The following CPEB1 variants were observed in gnomAD, a reference collection of about 807,000 sequenced individuals.
CPEB1 encodes the protein cytoplasmic polyadenylation element-binding protein 1.
In CPEB1, 7 loss-of-function variants were observed where a neutral mutation model predicts 65.8. The ratio of observed to expected loss-of-function variants is 0.11; its 90% CI spans 0.06 to 0.20. CPEB1 has a LOEUF of 0.20. Ranked by LOEUF, CPEB1 falls within the 10% of genes least tolerant of loss-of-function variation. The probability of loss-of-function intolerance (pLI) is 1.00; values close to 1 mark genes in which losing one functional copy is unlikely to be tolerated. For synonymous variants in CPEB1, 262 were observed against 260.0 expected, an observed-to-expected ratio of 1.01 and a Z score of -0.08; for missense variants, 551 against 712.2, an observed-to-expected ratio of 0.77 and a Z score of 2.58.
At chr15:82,622,973 C>T (rs558160281) in intron 3 of CPEB1, among the ~76,000 whole-genome samples, 2 of 152,308 alleles carry the variant, frequency 1.3e-5, no homozygotes, top group South Asian at 4.2e-4. Flanking sequence ...GTAGGAGGGA[C>T]AGCTCTGTGA....
chr15:82,632,944 G>A (rs1430583648), intron 1 of CPEB1, among the ~76,000 whole-genome samples: 7 of 152,114 alleles, frequency 4.6e-5, no homozygotes. Context: ...TAGTCCATCT[G>A]AACTTTCATC....
intron 3 of CPEB1, among the ~76,000 whole-genome samples, chr15:82,586,748 T>G (rs1016381956): frequency 1.3e-5 from 2 of 152,214 alleles, no homozygotes; most frequent in African/African-American, 4.8e-5. Flanking sequence ...ACACATACAG[T>G]GCACATACAC....
intron 3 of CPEB1, among the ~76,000 whole-genome samples, chr15:82,613,248 C>A (rs1259650858): frequency 4.6e-5 from 7 of 152,104 alleles, no homozygotes; most frequent in African/African-American, 1.7e-4. Flanking sequence ...GCGAAGTTGG[C>A]TTTACTTTGG....
intron 1 of CPEB1, chr15:82,637,987 G>A (rs1439478505): frequency 2.2e-6 from 1 of 453,740 alleles, no homozygotes; most frequent in Admixed American, 2.4e-5. Context: ...TTTATGGAGT[G>A]GCATTGACAT....
intron 4 of CPEB1, among the ~76,000 whole-genome samples, chr15:82,559,901 T>C (rs1490088687): frequency 1.3e-5 from 2 of 152,086 alleles, no homozygotes; most frequent in African/African-American, 2.4e-5. Context: ...CTGCCTAACA[T>C]GGCGAAACCC....
At chr15:82,580,126 C>A (rs2041123056) in intron 3 of CPEB1, among the ~76,000 whole-genome samples, 1 of 151,328 alleles carries the variant, frequency 6.6e-6, no homozygotes, top group Non-Finnish European at 1.5e-5. Context: ...TCGAGACCAT[C>A]CTGGCCAACA....
intron 3 of CPEB1, among the ~76,000 whole-genome samples, chr15:82,572,650 T>C (rs767388319): frequency 5.3e-5 from 8 of 152,168 alleles, no homozygotes; most frequent in Admixed American, 3.9e-4. Flanking sequence ...CTCTGAAGTA[T>C]CGTTACGCCC....
intron 4 of CPEB1, among the ~76,000 whole-genome samples, chr15:82,567,161 A>G (rs74728331): frequency 0.022 from 3,325 of 152,316 alleles, 122 homozygotes; most frequent in African/African-American, 0.075. Context: ...CATGTTCCAC[A>G]TAAGAGAGAC....
chr15:82,616,412 C>G (rs2044715301), intron 3 of CPEB1, among the ~76,000 whole-genome samples: 2 of 152,036 alleles, frequency 1.3e-5, no homozygotes, highest in African/African-American at 4.8e-5. Context: ...AAAGAGTACA[C>G]TTAAGTGCAA....
chr15:82,553,719 C>CT (rs903890287), intron 7 of CPEB1, among the ~76,000 whole-genome samples, 159 bp downstream of exon 7: 2 of 152,126 alleles, frequency 1.3e-5, no homozygotes, highest in African/African-American at 4.8e-5. Context: ...ATAAGGAGCA[C>CT]TATGGGGGTC....
chr15:82,571,865 GGGA>G, intron 3 of CPEB1: 1 of 1,076,784 alleles, frequency 9.3e-7, no homozygotes, highest in Non-Finnish European at 1.1e-6. Context: ...CACAGAACGG[GGGA>G]GGAGCAGGAG....
chr15:82,554,149 C>G (rs898165888), intron 6 of CPEB1, among the ~76,000 whole-genome samples, 158 bp from the exon 7 acceptor site: 7 of 152,212 alleles, frequency 4.6e-5, no homozygotes, highest in African/African-American at 1.7e-4. Flanking sequence ...AGCAAGAAAT[C>G]TATGTCTCAC....
intron 3 of CPEB1, among the ~76,000 whole-genome samples, chr15:82,580,500 T>TAAATAAAAATAAAAATAAA: frequency 6.6e-6 from 1 of 152,238 alleles, no homozygotes; most frequent in South Asian, 2.1e-4. Context: ...GGGTACCCTG[T>TAAATAAAAATAAAAATAAA]ACTAAAAATT....
At chr15:82,608,119 G>T (rs1406267782) in intron 3 of CPEB1, among the ~76,000 whole-genome samples, 1 of 152,236 alleles carries the variant, frequency 6.6e-6, no homozygotes, top group Admixed American at 6.5e-5. Flanking sequence ...CAAGCATGCA[G>T]GTTAGCCTAG....
Position 82,557,902 on chromosome 15 carries a change from T to C in CPEB1, c.545A>G (p.Asp182Gly). ...SFLPLDPLGSDLVDKFPAPSV... is the reference protein window; with the variant it reads ...SFLPLDPLGSGLVDKFPAPSV... ...GGGTGCTGGAAACTTGTCCACCAAGTCAGACCCAAGGGGATCCAGAGGCAG... is the reference window on the plus strand; with the variant it reads ...GGGTGCTGGAAACTTGTCCACCAAGCCAGACCCAAGGGGATCCAGAGGCAG... The change falls in exon 5 of 13, where the codon GAC (aspartate) becomes GGC (glycine). Residue 182 changes from aspartate (D) to glycine (G), a missense_variant. Coordinates refer to ENST00000684509, the MANE Select transcript of CPEB1 (RefSeq NM_001365242.1). 6.2e-7 allele frequency: 1 copy of C among 1,614,128 alleles called. No homozygotes were observed. The highest frequency in any genetic ancestry group is 8.5e-7 in the Non-Finnish European group (1 of 1,180,022).
chr15:82,645,357 T>C (rs947813788), intron 1 of CPEB1, among the ~76,000 whole-genome samples: 1 of 152,064 alleles, frequency 6.6e-6, no homozygotes, highest in Non-Finnish European at 1.5e-5. Flanking sequence ...TTCACCTTGT[T>C]GGCCAGGCTG....
chr15:82,575,833 T>C (rs573944540), intron 3 of CPEB1, among the ~76,000 whole-genome samples: 6 of 152,250 alleles, frequency 3.9e-5, no homozygotes, highest in East Asian at 1.9e-4. Flanking sequence ...CCGTAAATGG[T>C]ACATCCACCT....
chr15:82,592,996 C>CA (rs752157207), intron 3 of CPEB1, among the ~76,000 whole-genome samples: 23 of 151,600 alleles, frequency 1.5e-4, no homozygotes, highest in Non-Finnish European at 2.5e-4. Flanking sequence ...TACTCCGTCT[C>CA]AAAAAAAGAA....
intron 3 of CPEB1, among the ~76,000 whole-genome samples, chr15:82,584,875 G>T (rs2041632771): frequency 1.1e-5 from 1 of 91,258 alleles, no homozygotes; most frequent in African/African-American, 5.8e-5. Flanking sequence ...TCAGTAGTAA[G>T]ATGACATAAT....
Sources: gnomAD v4.1 joint callset for allele counts (sites outside exome capture counted in the v4.1 genomes callset) on GRCh38, gnomAD v4.1.1 for gene constraint, MANE v1.5 for transcripts, NCBI Gene and HGNC (gene_info 2026-07-23, HGNC 2026-07-21) for gene names.